THSD7A: variants seen among roughly 807,000 people sequenced by gnomAD.
THSD7A encodes thrombospondin type-1 domain-containing protein 7A.
Under a neutral mutation model 231.3 loss-of-function variants are expected in THSD7A, and 96 were observed. The observed-to-expected ratio is 0.41, with a 90% CI of 0.35 to 0.49. The LOEUF (loss-of-function observed/expected upper bound fraction) is 0.49, where lower values mean the gene tolerates loss of function less well. Among genes scored for constraint, THSD7A ranks in the 20% least tolerant of loss-of-function variants. The probability of loss-of-function intolerance (pLI) is 0.05; values close to 1 mark genes in which losing one functional copy is unlikely to be tolerated. For missense variants in THSD7A, 2,290 were observed against 2,070.2 expected (o/e 1.11, Z -2.06); for synonymous variants, 940 against 743.3 (o/e 1.26, Z -4.30).
At chr7:11,699,923 T>C (rs1780532612) in intron 1 of THSD7A, among the ~76,000 whole-genome samples, 1 of 151,316 alleles carries the variant, frequency 6.6e-6, no homozygotes, top group Non-Finnish European at 1.5e-5. Context: ...GTACGTCTTG[T>C]CTTACCCTGG....
intron 1 of THSD7A, among the ~76,000 whole-genome samples, chr7:11,764,450 A>G (rs1016842353): frequency 2.0e-5 from 3 of 151,620 alleles, no homozygotes; most frequent in East Asian, 3.9e-4. Flanking sequence ...GCGTGGTGGC[A>G]GGCGCCTGTT....
intron 4 of THSD7A, among the ~76,000 whole-genome samples, chr7:11,546,202 G>GCGCGCGCGCACACACACACACACCCACA (rs761841418): frequency 7.7e-6 from 1 of 129,374 alleles, no homozygotes. Flanking sequence ...GTGGGCGCGC[G>GCGCGCGCGCACACACACACACACCCACA]CTCACACACA....
intron 1 of THSD7A, among the ~76,000 whole-genome samples, chr7:11,774,129 AT>A (rs1783325234): frequency 6.6e-6 from 1 of 152,238 alleles, no homozygotes; most frequent in Non-Finnish European, 1.5e-5. Context: ...TTGTAAAATA[AT>A]ATGCCAAGAC....
rs1562556207 is a variant in THSD7A, at chr7:11,374,715, C to G, written c.*1079G>C. On this transcript the variant is annotated 3_prime_UTR_variant, in exon 28 of 28. Coordinates refer to ENST00000423059, the MANE Select transcript of THSD7A (RefSeq NM_015204.3). ...TTACAAACCAACTAGAGGAATCCAC[C>G]TTTTAGAGGGTTAAGGGGTTAGGGA... is the stretch of plus-strand genomic sequence containing the variant. The G allele has an allele frequency of 6.6e-6, 1 of 151,872 alleles. No homozygotes were observed. The highest frequency in any genetic ancestry group is 2.4e-5 in the African/African-American group (1 of 41,350). The allele number at this position is 151,872 out of a possible 1,614,324, so 9.4% of individuals were successfully genotyped here. A position where few individuals can be genotyped will look rare whatever the true frequency, so the allele number is the denominator to read the frequency against.
At chr7:11,569,991 GC>G (rs1246784211) in intron 4 of THSD7A, among the ~76,000 whole-genome samples, 1 of 151,940 alleles carries the variant, frequency 6.6e-6, no homozygotes, top group Non-Finnish European at 1.5e-5. Context: ...GGGAAACATG[GC>G]AAAACCCCCT....
chr7:11,747,653 T>C (rs1241494619), intron 1 of THSD7A, among the ~76,000 whole-genome samples: 3 of 151,936 alleles, frequency 2.0e-5, no homozygotes, highest in African/African-American at 4.8e-5. Flanking sequence ...CTAGCATGGA[T>C]AGAAAGACAT....
intron 10 of THSD7A, among the ~76,000 whole-genome samples, chr7:11,460,998 T>C (rs946909058): frequency 5.3e-5 from 8 of 152,222 alleles, no homozygotes; most frequent in African/African-American, 1.9e-4. Flanking sequence ...TCAAGTTCTA[T>C]AGGACTCTAC....
chr7:11,771,619 T>C (rs1284067904), intron 1 of THSD7A, among the ~76,000 whole-genome samples: 1 of 151,592 alleles, frequency 6.6e-6, no homozygotes, highest in African/African-American at 2.4e-5. Flanking sequence ...CTGGAGTAAA[T>C]AGTAATTGTA....
chr7:11,606,112 A>C (rs1316239842), intron 2 of THSD7A, among the ~76,000 whole-genome samples: 3 of 152,180 alleles, frequency 2.0e-5, no homozygotes, highest in Non-Finnish European at 4.4e-5. Context: ...TGAGCTAAGC[A>C]CAGGAATTCA....
intron 1 of THSD7A, among the ~76,000 whole-genome samples, chr7:11,684,828 C>T (rs1003449651): frequency 6.6e-6 from 1 of 151,936 alleles, no homozygotes; most frequent in African/African-American, 2.4e-5. Context: ...TAAGCAATTC[C>T]TATCAAATTA....
At chr7:11,756,125 T>C (rs1433922793) in intron 1 of THSD7A, among the ~76,000 whole-genome samples, 1 of 152,134 alleles carries the variant, frequency 6.6e-6, no homozygotes, top group East Asian at 1.9e-4. Context: ...TACCAGGTTA[T>C]TCATCCTGGG....
At chr7:11,639,572 G>A (rs926038366) in intron 1 of THSD7A, among the ~76,000 whole-genome samples, 32 of 152,214 alleles carry the variant, frequency 2.1e-4, no homozygotes, top group Non-Finnish European at 1.0e-4. Flanking sequence ...GGAGGCTGAG[G>A]CAGGAGAATG....
At position 11,636,030 on chromosome 7, in the gene THSD7A, C is replaced by T. The variant is rs1394250766; in HGVS notation, c.1022+100G>A. 5 of 1,147,588 alleles carry T rather than the reference C, an allele frequency of 4.4e-6. No homozygotes were observed. The highest frequency in any genetic ancestry group is 6.2e-6 in the Non-Finnish European group (5 of 812,210). 71.1% of individuals were successfully genotyped at this position (1,147,588 alleles called of 1,614,324 possible). A position where few individuals can be genotyped will look rare whatever the true frequency, so the allele number is the denominator to read the frequency against. On this transcript the variant is annotated intron_variant, in intron 2 of 27. Transcript: ENST00000423059. This position sits in a 1 kb window ranked among gnomAD's most constrained non-coding sequence, Gnocchi z 10.0. ...GGGGGTAGCTCATCCTAGGTTGTGC[C>T]CCTACGTAATCCAGAAGTTATTAGA... is the stretch of plus-strand genomic sequence containing the variant.
At chr7:11,678,540 A>C (rs1783734853) in intron 1 of THSD7A, among the ~76,000 whole-genome samples, 1 of 152,190 alleles carries the variant, frequency 6.6e-6, no homozygotes, top group Non-Finnish European at 1.5e-5. Context: ...ACAGAAATAC[A>C]AACTACCATC....
intron 23 of THSD7A, chr7:11,384,479 T>C (rs917067861): frequency 6.6e-6 from 1 of 151,954 alleles, no homozygotes; most frequent in Non-Finnish European, 1.5e-5. Context: ...ATATTTAGTA[T>C]TTACAGTTTG....
At chr7:11,464,946 A>G (rs1785640934) in intron 9 of THSD7A, among the ~76,000 whole-genome samples, 1 of 152,194 alleles carries the variant, frequency 6.6e-6, no homozygotes, top group Admixed American at 6.5e-5. Flanking sequence ...AGAGCAGAAA[A>G]AAAGGAAGCT....
Position 11,429,047 on chromosome 7 carries a change from C to G in THSD7A, c.3143G>C (p.Ser1048Thr). ...CTTCACACCACTCCCACAGGACTTG[C>G]TGCAGCGCGACCAGTTGGACCACTC... ...LSEWSNWSRCSKSCGSGVKVR... is the reference protein window; with the variant it reads ...LSEWSNWSRCTKSCGSGVKVR... Residue 1048 changes from serine (S) to threonine (T), a missense_variant, in exon 14 of 28, where the codon AGC becomes ACC. Coordinates refer to ENST00000423059, the MANE Select transcript of THSD7A (RefSeq NM_015204.3). The G allele has an allele frequency of 1.2e-6, 2 of 1,613,248 alleles. No individual in the cohort carries two copies. Among genetic ancestry groups the G allele is most frequent in the Non-Finnish European group, 1.7e-6 (2 of 1,179,564 alleles).
At chr7:11,555,668 A>T (rs1488162025) in intron 4 of THSD7A, among the ~76,000 whole-genome samples, 1 of 151,690 alleles carries the variant, frequency 6.6e-6, no homozygotes, top group South Asian at 2.1e-4. Flanking sequence ...GTCATTTCCA[A>T]CTACAATTAT....
intron 23 of THSD7A, among the ~76,000 whole-genome samples, chr7:11,390,094 G>C (rs1186315243): frequency 6.6e-6 from 1 of 152,066 alleles, no homozygotes; most frequent in Non-Finnish European, 1.5e-5. Context: ...ATGTGTCTTG[G>C]GGTTGCTCTT....
Sources: gnomAD v4.1 joint callset for allele counts (sites outside exome capture counted in the v4.1 genomes callset) on GRCh38, gnomAD v4.1.1 for gene constraint, Gnocchi (gnomAD v3.1) non-coding constraint, MANE v1.5 for transcripts, NCBI Gene and HGNC (gene_info 2026-07-23, HGNC 2026-07-21) for gene names.